The following RGS7 variants were observed in gnomAD, a reference collection of about 807,000 sequenced individuals.
The protein encoded by RGS7 is regulator of G-protein signaling 7.
In RGS7, 27 loss-of-function variants were observed where a neutral mutation model predicts 81.1. The observed-to-expected ratio is 0.33, with a 90% CI of 0.25 to 0.46. The LOEUF is 0.46. Ranked by LOEUF, RGS7 falls within the 20% of genes least tolerant of loss-of-function variation. RGS7 has a pLI of 1.00. For missense variants in RGS7, 396 were observed against 607.4 expected (o/e 0.65, Z 3.66); for synonymous variants, 208 against 207.7 (o/e 1.00, Z -0.01).
At chr1:240,958,737 T>C (rs1469616860) in intron 4 of RGS7, among the ~76,000 whole-genome samples, 1 of 152,238 alleles carries the variant, frequency 6.6e-6, no homozygotes, top group Non-Finnish European at 1.5e-5. Context: ...TTTATGTATA[T>C]GTCAAAAAGC....
intron 2 of RGS7, among the ~76,000 whole-genome samples, chr1:241,211,384 T>C (rs1361436620): frequency 6.6e-6 from 1 of 152,180 alleles, no homozygotes; most frequent in Non-Finnish European, 1.5e-5. Flanking sequence ...CCATTTTATT[T>C]CTGAAACAGC....
intron 2 of RGS7, among the ~76,000 whole-genome samples, chr1:241,289,804 C>A (rs548986340): frequency 2.0e-5 from 3 of 151,836 alleles, no homozygotes; most frequent in Non-Finnish European, 4.4e-5. Context: ...GGAAGTGGTA[C>A]GAGGGAAGAT....
At position 241,243,406 on chromosome 1, in the gene RGS7, G is replaced by A. The variant is rs146829861; in HGVS notation, c.78+112293C>T. Reference sequence around the variant, plus strand: ...TGAATTCTACTTAAAAACTCAGGCTGGGAAATAGAAGAATGAAAGCAAAGA... The same window carrying A: ...TGAATTCTACTTAAAAACTCAGGCTAGGAAATAGAAGAATGAAAGCAAAGA... On this transcript the variant is annotated intron_variant, in intron 2 of 18. Transcript: ENST00000440928. Among the ~76,000 whole-genome samples, 372 of 152,250 alleles carry A rather than the reference G, an allele frequency of 2.4e-3. 4 individuals carry two copies. The highest frequency in any genetic ancestry group is 8.4e-3 in the African/African-American group (351 of 41,542).
intron 2 of RGS7, among the ~76,000 whole-genome samples, chr1:241,333,257 G>GTA (rs2082068818): frequency 6.6e-6 from 1 of 152,188 alleles, no homozygotes; most frequent in Non-Finnish European, 1.5e-5. Flanking sequence ...TTTTGATAGA[G>GTA]TAACACTCTG....
intron 2 of RGS7, among the ~76,000 whole-genome samples, chr1:241,328,016 G>C (rs2081721401): frequency 6.6e-6 from 1 of 152,098 alleles, no homozygotes; most frequent in African/African-American, 2.4e-5. Flanking sequence ...TTATAAAAGA[G>C]TACAATTTAT....
chr1:240,837,406 T>C (rs1694897694), intron 9 of RGS7, among the ~76,000 whole-genome samples: 1 of 152,248 alleles, frequency 6.6e-6, no homozygotes, highest in Admixed American at 6.5e-5. Flanking sequence ...GATTTGAGAC[T>C]GAACATGTGT....
At position 241,152,316 on chromosome 1, in the gene RGS7, T is replaced by A. The variant is rs139315504; in HGVS notation, c.79-53554A>T. On this transcript the variant is annotated intron_variant, in intron 2 of 18. Transcript: ENST00000440928. ...TGTAAAACACCATATTATAATATAA[T>A]CTCATGTTTATTATTTTAAAGTAGG... Among the ~76,000 whole-genome samples the A allele has an allele frequency of 5.4e-3, 817 of 152,264 alleles. 10 individuals carry two copies. The highest frequency in any genetic ancestry group is 0.019 in the African/African-American group (789 of 41,542).
At chr1:240,861,287 A>G (rs1180657789) in intron 9 of RGS7, among the ~76,000 whole-genome samples, 2 of 152,262 alleles carry the variant, frequency 1.3e-5, no homozygotes, top group South Asian at 2.1e-4. Flanking sequence ...GTACATTTCC[A>G]TTTCTCTGCT....
intron 9 of RGS7, among the ~76,000 whole-genome samples, chr1:240,827,571 A>G (rs1469538924): frequency 1.3e-5 from 2 of 152,104 alleles, no homozygotes; most frequent in African/African-American, 4.8e-5. Context: ...CTTTATAAAA[A>G]GTGAGGCTGG....
intron 2 of RGS7, among the ~76,000 whole-genome samples, chr1:241,215,018 T>TC (rs2074465000): frequency 1.3e-5 from 2 of 152,198 alleles, no homozygotes; most frequent in Non-Finnish European, 2.9e-5. Context: ...CAGAAATATT[T>TC]CTGTAAAATT....
At chr1:241,091,033 CACT>C (rs1382106680) in intron 3 of RGS7, among the ~76,000 whole-genome samples, 1 of 152,180 alleles carries the variant, frequency 6.6e-6, no homozygotes, top group Non-Finnish European at 1.5e-5. Context: ...GCCTCAAACC[CACT>C]GTGGTTTACA....
chr1:240,820,693 A>G (rs1483950674), intron 10 of RGS7, among the ~76,000 whole-genome samples: 1 of 152,176 alleles, frequency 6.6e-6, no homozygotes, highest in Admixed American at 6.5e-5. Flanking sequence ...AGAAGGCACC[A>G]TCTTTGAAGC....
At chr1:241,173,342 A>T (rs768544594) in intron 2 of RGS7, among the ~76,000 whole-genome samples, 3 of 152,180 alleles carry the variant, frequency 2.0e-5, no homozygotes, top group Non-Finnish European at 4.4e-5. Context: ...CAGGTCATGG[A>T]GTTGTTATAA....
At chr1:241,235,912 G>GAA (rs2075942488) in intron 2 of RGS7, among the ~76,000 whole-genome samples, 1 of 145,024 alleles carries the variant, frequency 6.9e-6, no homozygotes, top group African/African-American at 2.5e-5. Context: ...TGCACTTTGA[G>GAA]AGAGAGAGAG....
intron 6 of RGS7, among the ~76,000 whole-genome samples, chr1:240,904,333 G>C (rs1393388137): frequency 6.6e-6 from 1 of 152,154 alleles, no homozygotes; most frequent in Admixed American, 6.5e-5. Context: ...AGTGCACTCT[G>C]CTGCATTTTG....
At chr1:241,174,242 C>G (rs1052836276) in intron 2 of RGS7, among the ~76,000 whole-genome samples, 2 of 152,116 alleles carry the variant, frequency 1.3e-5, no homozygotes, top group Non-Finnish European at 2.9e-5. Context: ...GTTTGAGGTC[C>G]CAGGTTGAAA....
intron 2 of RGS7, among the ~76,000 whole-genome samples, chr1:241,169,336 CTTTTTTTTT>C (rs57753661): frequency 2.7e-5 from 2 of 74,274 alleles, no homozygotes; most frequent in Non-Finnish European, 4.8e-5. Context: ...ATGTGTGTTT[CTTTTTTTTT>C]TTTTTTTTTT....
chr1:241,346,475 A>G (rs933220426), intron 2 of RGS7, among the ~76,000 whole-genome samples: 4 of 152,218 alleles, frequency 2.6e-5, no homozygotes, highest in Admixed American at 6.5e-5. Context: ...GCAACACAGT[A>G]AAGAGGCAAG....
At chr1:241,295,734 G>A (rs565139627) in intron 2 of RGS7, among the ~76,000 whole-genome samples, 6 of 152,250 alleles carry the variant, frequency 3.9e-5, no homozygotes, top group South Asian at 2.1e-4. Flanking sequence ...TTCCGGAGTC[G>A]GCAAATGGCA....
Sources: gnomAD v4.1 joint callset for allele counts (sites outside exome capture counted in the v4.1 genomes callset) on GRCh38, gnomAD v4.1.1 for gene constraint, MANE v1.5 for transcripts, NCBI Gene and HGNC (gene_info 2026-07-23, HGNC 2026-07-21) for gene names.